The following BMERB1 variants were observed in gnomAD, a reference collection of about 807,000 sequenced individuals.
BMERB1 encodes the protein bMERB domain-containing protein 1.
In BMERB1, 12 loss-of-function variants were observed where a neutral mutation model predicts 23.6. The ratio of observed to expected loss-of-function variants is 0.51; its 90% confidence interval spans 0.33 to 0.82. The LOEUF (loss-of-function observed/expected upper bound fraction) is 0.82, where lower values mean the gene tolerates loss of function less well. BMERB1 is among the 40% of genes least tolerant of loss of function. The pLI, the probability that BMERB1 is intolerant of heterozygous loss-of-function variation, is 0.03. For synonymous variants in BMERB1, 122 were observed against 96.6 expected, an observed-to-expected ratio of 1.26 and a Z score of -1.54; for missense variants, 247 against 255.4, an observed-to-expected ratio of 0.97 and a Z score of 0.22.
chr16:15,556,288 G>T (rs148321862), intron 2 of BMERB1, among the ~76,000 whole-genome samples: 3 of 152,174 alleles, frequency 2.0e-5, no homozygotes, highest in African/African-American at 7.2e-5. Flanking sequence ...TAGGGTGGAG[G>T]AGTGGATGGA....
At chr16:15,498,391 G>A (rs928463992) in intron 1 of BMERB1, among the ~76,000 whole-genome samples, 2 of 152,152 alleles carry the variant, frequency 1.3e-5, no homozygotes, top group Middle Eastern at 3.4e-3. Context: ...GGACGTGATG[G>A]TGCACACCTG....
At chr16:15,573,253 C>T (rs2030776607) in intron 3 of BMERB1, among the ~76,000 whole-genome samples, 1 of 152,152 alleles carries the variant, frequency 6.6e-6, no homozygotes, top group Admixed American at 6.5e-5. Flanking sequence ...AATGTTCTGT[C>T]CAACAGGTTC....
At chr16:15,434,996 C>T (rs2050875763) in intron 1 of BMERB1, among the ~76,000 whole-genome samples, 1 of 152,246 alleles carries the variant, frequency 6.6e-6, no homozygotes, top group African/African-American at 2.4e-5. Flanking sequence ...GGCCAGGCAG[C>T]TAAGGCAGGA....
At chr16:15,500,578 G>A in intron 1 of BMERB1, among the ~76,000 whole-genome samples, 1 of 152,164 alleles carries the variant, frequency 6.6e-6, no homozygotes, top group Admixed American at 6.5e-5. Context: ...ATGAATGGAG[G>A]GTCCCAGGAT....
rs57236824 is a variant in BMERB1 at position 15,526,663 on chromosome 16, C to CAA, written c.230+11255_230+11256dup. Among the ~76,000 whole-genome samples the CAA allele has an allele frequency of 7.7e-3, 388 of 50,550 alleles. 8 individuals carry two copies. The highest frequency in any genetic ancestry group is 0.021 in the African/African-American group (355 of 16,738). The allele number at this position is 50,550 out of a possible 152,430, so 33.2% of individuals were successfully genotyped here. On this transcript the variant is annotated intron_variant, in intron 2 of 5. Transcript: ENST00000300006. ...TGGGCAACAGAGCGAGACTGCATCT[C>CAA]AAAAAAAAAAAAAAAAAAAAACTAA...
chr16:15,552,029 G>A (rs1252532217), intron 2 of BMERB1, among the ~76,000 whole-genome samples: 1 of 152,118 alleles, frequency 6.6e-6, no homozygotes, highest in Non-Finnish European at 1.5e-5. Context: ...AGGCCTTAGG[G>A]GTAGGGTTAG....
intron 2 of BMERB1, among the ~76,000 whole-genome samples, chr16:15,519,110 T>TACACACAC (rs1490420120): frequency 5.9e-5 from 4 of 67,504 alleles, no homozygotes; most frequent in South Asian, 5.7e-4. Context: ...CACACACACG[T>TACACACAC]GAGACACTCT....
intron 1 of BMERB1, among the ~76,000 whole-genome samples, chr16:15,480,606 C>CTTTTTTTTTTTTTTTTTTTTTTTTTTT (rs1159247360): frequency 1.7e-5 from 1 of 58,962 alleles, no homozygotes; most frequent in Non-Finnish European, 2.9e-5. Context: ...ATTCCACTGT[C>CTTTTTTTTTTTTTTTTTTTTTTTTTTT]TTTTTTTTTT....
At chr16:15,532,914 T>G (rs2051983773) in intron 2 of BMERB1, 1 of 438,664 alleles carries the variant, frequency 2.3e-6, no homozygotes, top group Non-Finnish European at 4.6e-6. Context: ...ATAGACCTCG[T>G]GCCTGGTAAG....
intron 5 of BMERB1, among the ~76,000 whole-genome samples, chr16:15,585,228 C>T (rs184762100): frequency 6.6e-6 from 1 of 152,298 alleles, no homozygotes; most frequent in East Asian, 1.9e-4. Flanking sequence ...AAAAACTCCA[C>T]TTAGCAGCAT....
rs370806828 is a variant in BMERB1 at position 15,571,006 on chromosome 16, CCTT to C, written c.304+2954_304+2956del. Among the ~76,000 whole-genome samples the C allele has an allele frequency of 1.0e-3, 153 of 151,002 alleles. 4 individuals are homozygous for C. The highest frequency in any genetic ancestry group is 3.7e-3 in the African/African-American group (149 of 40,360). On this transcript the variant is annotated intron_variant, in intron 3 of 5. Coordinates refer to ENST00000300006, the MANE Select transcript of BMERB1 (RefSeq NM_033201.3). ...TCTTGGCTTTGGTGGGTTTTGGCAG[CCTT>C]CTTTACTAATGCTGTTTTATCAGGA...
chr16:15,550,208 G>T (rs1671062093), intron 2 of BMERB1, among the ~76,000 whole-genome samples: 1 of 152,184 alleles, frequency 6.6e-6, no homozygotes, highest in African/African-American at 2.4e-5. Flanking sequence ...CCGAAGTGCT[G>T]GGATTACAGG....
intron 1 of BMERB1, among the ~76,000 whole-genome samples, chr16:15,490,581 C>T (rs1336641836): frequency 6.6e-6 from 1 of 152,148 alleles, no homozygotes; most frequent in Non-Finnish European, 1.5e-5. Context: ...CTGCACCCAG[C>T]CTCGGACTGC....
intron 1 of BMERB1, among the ~76,000 whole-genome samples, chr16:15,470,736 A>G (rs1345369692): frequency 6.0e-5 from 9 of 150,750 alleles, no homozygotes; most frequent in Non-Finnish European, 1.2e-4. Context: ...ATGTTGGCCA[A>G]GATGATCTCA....
At chr16:15,510,901 C>T (rs769471989) in intron 1 of BMERB1, among the ~76,000 whole-genome samples, 3 of 152,006 alleles carry the variant, frequency 2.0e-5, no homozygotes, top group Non-Finnish European at 4.4e-5. Flanking sequence ...TGGATTTCAC[C>T]GTGTTGGTCA....
chr16:15,526,579 G>T lies in BMERB1; in HGVS notation c.230+11151G>T, dbSNP rs576722225. 1.1e-4 allele frequency among the ~76,000 whole-genome samples: 16 copies of T among 148,376 alleles called. No homozygotes were observed. The South Asian group carries it at 2.7e-3, about 25-fold the overall frequency. ...GTCGGGAGGCTGAGGCAGGAGAATC[G>T]CTTGAACCCAGGAGGTGGAGGTTGC... On this transcript the variant is annotated intron_variant, in intron 2 of 5. Coordinates refer to ENST00000300006, the MANE Select transcript of BMERB1 (RefSeq NM_033201.3).
intron 2 of BMERB1, among the ~76,000 whole-genome samples, chr16:15,529,015 GTGTTTGTTTGTT>G (rs369446865): frequency 1.3e-5 from 2 of 151,618 alleles, no homozygotes; most frequent in East Asian, 1.9e-4. Context: ...TGAAAAATAA[GTGTTTGTTTGTT>G]TGTTTGTTTG....
intron 1 of BMERB1, among the ~76,000 whole-genome samples, chr16:15,487,451 A>G (rs1389497550): frequency 6.6e-6 from 1 of 152,132 alleles, no homozygotes; most frequent in Admixed American, 6.6e-5. Flanking sequence ...ACTCATGGTA[A>G]ATATTTTTGT....
intron 1 of BMERB1, among the ~76,000 whole-genome samples, chr16:15,463,875 TA>T (rs35187562): frequency 0.027 from 3,870 of 143,062 alleles, 50 homozygotes; most frequent in Middle Eastern, 0.051. Flanking sequence ...GTGTATGCTT[TA>T]AAAAAAAAAA....
Sources: gnomAD v4.1 joint callset for allele counts (sites outside exome capture counted in the v4.1 genomes callset) on GRCh38, gnomAD v4.1.1 for gene constraint, MANE v1.5 for transcripts, NCBI Gene and HGNC (gene_info 2026-07-23, HGNC 2026-07-21) for gene names.